PEX19: variants seen among roughly 807,000 people sequenced by gnomAD.
PEX19 encodes peroxisomal biogenesis factor 19, also known as 33 kDa housekeeping protein.
In PEX19, 29 loss-of-function variants were observed where a neutral mutation model predicts 36.3. That is an observed-to-expected ratio of 0.80 (90% CI 0.60 to 1.09). The LOEUF (loss-of-function observed/expected upper bound fraction) is 1.09. PEX19 is among the 50% of genes least tolerant of loss of function. PEX19 has a pLI of 0.00. For missense variants in PEX19, 396 were observed against 368.1 expected (o/e 1.08, Z -0.62); for synonymous variants, 141 against 135.2 (o/e 1.04, Z -0.30).
intron 4 of PEX19, 68 bp from the exon 5 acceptor site, chr1:160,282,268 G>A (rs576265326): frequency 1.3e-6 from 2 of 1,561,582 alleles, no homozygotes; most frequent in East Asian, 2.2e-5. Context: ...TCTCTCAGGT[G>A]ACAAAGATAA....
rs1481310997 is a variant in PEX19 at position 160,278,111 on chromosome 1, G to A, written c.*1440C>T. ...TCTGAGTGAACCAGGACAGCCAGCTGAGCTGACCAGAGTACCTACCAACAT... is the reference window on the plus strand; with the variant it reads ...TCTGAGTGAACCAGGACAGCCAGCTAAGCTGACCAGAGTACCTACCAACAT... On this transcript the variant is annotated 3_prime_UTR_variant, in exon 8 of 8. Transcript: ENST00000368072. 1 of 702,530 alleles carries A rather than the reference G, an allele frequency of 1.4e-6. No individual in the cohort carries two copies. The highest frequency in any genetic ancestry group is 2.0e-5 in the Admixed American group (1 of 50,006). The allele number at this position is 702,530 out of a possible 1,614,324, so 43.5% of individuals were successfully genotyped here.
rs755030329 is a variant in PEX19, at chr1:160,279,266, A to G, written c.*285T>C. ...TATTTTGAGAAAGGAAAGAAAGTGC[A>G]TGCCCCAAAAGGGATGCCTTCCTTC... On this transcript the variant is annotated 3_prime_UTR_variant, in exon 8 of 8. Coordinates refer to ENST00000368072, the MANE Select transcript of PEX19 (RefSeq NM_002857.4). 2.2e-5 allele frequency: 13 copies of G among 604,284 alleles called. 1 individual carries two copies. Among genetic ancestry groups the G allele is most frequent in the South Asian group, 1.8e-4 (12 of 65,802 alleles). The allele number at this position is 604,284 out of a possible 1,614,324, so 37.4% of individuals were successfully genotyped here. A position where few individuals can be genotyped will look rare whatever the true frequency, so the allele number is the denominator to read the frequency against.
At position 160,282,137 on chromosome 1, in the gene PEX19, C is replaced by T. The variant is rs1310410647; in HGVS notation, c.496G>A (p.Asp166Asn). Residue 166 changes from aspartate (D) to asparagine (N), a missense_variant, in exon 5 of 8, where the codon GAT becomes AAT. Transcript: ENST00000368072. ...ATGGGGAGGATGTTCCCTTCCCCAT[C>T]CCCTTCGTCCATGCCTAGCCCCTCC... ...AMEGLGMDEGDGEGNILPIMQ... is the reference protein window; with the variant it reads ...AMEGLGMDEGNGEGNILPIMQ... 2 of 1,614,076 alleles carry T rather than the reference C, an allele frequency of 1.2e-6. No homozygotes were observed. The highest frequency in any genetic ancestry group is 1.7e-6 in the Non-Finnish European group (2 of 1,179,950).
chr1:160,283,851 G>A (rs1182759851), intron 1 of PEX19, among the ~76,000 whole-genome samples: 1 of 152,182 alleles, frequency 6.6e-6, no homozygotes, highest in Non-Finnish European at 1.5e-5. Context: ...CAAAGGCAAA[G>A]AAATCCCTTA....
At position 160,279,527 on chromosome 1, in the gene PEX19, T is replaced by C. The variant is rs374902147; in HGVS notation, c.*24A>G. ...TCCAGATGTTCCCCATAGCTGGGAC[T>C]CAGAGAGGAAAACGTGTTGTGTTTC... On this transcript the variant is annotated 3_prime_UTR_variant, in exon 8 of 8. Coordinates refer to ENST00000368072, the MANE Select transcript of PEX19 (RefSeq NM_002857.4). 1 of 1,595,164 alleles carries C rather than the reference T, an allele frequency of 6.3e-7. No individual in the cohort carries two copies. The highest frequency in any genetic ancestry group is 1.3e-5 in the African/African-American group (1 of 74,568).
chr1:160,284,060 G>A (rs999372964), intron 1 of PEX19: 2 of 471,796 alleles, frequency 4.2e-6, no homozygotes, highest in Admixed American at 2.4e-5. Context: ...ATAACTTGGT[G>A]AGAAAGCACA....
At position 160,282,825 on chromosome 1, in the gene PEX19, C is replaced by T. The variant is rs1657832555; in HGVS notation, c.346+119G>A. ...CCCATCCTTTCTCTCATTGCCTTTA[C>T]CCGTTCCTTGGCTGTGACATCATGA... On this transcript the variant is annotated intron_variant, in intron 3 of 7. Coordinates refer to ENST00000368072, the MANE Select transcript of PEX19 (RefSeq NM_002857.4). 8 of 1,084,712 alleles carry T rather than the reference C, an allele frequency of 7.4e-6. No individual in the cohort carries two copies. The South Asian group carries it at 1.0e-4, about 14-fold the overall frequency. 67.2% of individuals were successfully genotyped at this position (1,084,712 alleles called of 1,614,324 possible). A position where few individuals can be genotyped will look rare whatever the true frequency, so the allele number is the denominator to read the frequency against.
Position 160,277,400 on chromosome 1 carries a change from A to G in PEX19, c.*2151T>C, listed in dbSNP as rs1226169402. 1.1e-5 allele frequency: 5 copies of G among 456,000 alleles called. No individual in the cohort carries two copies. Among genetic ancestry groups the G allele is most frequent in the African/African-American group, 4.0e-5 (2 of 50,088 alleles). The allele number at this position is 456,000 out of a possible 1,614,324, so 28.2% of individuals were successfully genotyped here. A position where few individuals can be genotyped will look rare whatever the true frequency, so the allele number is the denominator to read the frequency against. ...GTGAACTCCATACCTGTCATGGGCA[A>G]TAGGAATGCATATTGATAAGTGAAG... On this transcript the variant is annotated 3_prime_UTR_variant, in exon 8 of 8. Coordinates refer to ENST00000368072, the MANE Select transcript of PEX19 (RefSeq NM_002857.4).
Position 160,278,871 on chromosome 1 carries a change from C to T in PEX19, c.*680G>A. On this transcript the variant is annotated 3_prime_UTR_variant, in exon 8 of 8. Coordinates refer to ENST00000368072, the MANE Select transcript of PEX19 (RefSeq NM_002857.4). ...GGTCAGGGGCTGGGTTCACCCATAT[C>T]ACACAGCATTGTAGGAAGAAGCAGG... is the stretch of plus-strand genomic sequence containing the variant. 1 of 454,036 alleles carries T rather than the reference C, an allele frequency of 2.2e-6. No individual in the cohort carries two copies. The highest frequency in any genetic ancestry group is 1.6e-5 in the South Asian group (1 of 64,464). 28.1% of individuals were successfully genotyped at this position (454,036 alleles called of 1,614,324 possible). A position where few individuals can be genotyped will look rare whatever the true frequency, so the allele number is the denominator to read the frequency against.
Position 160,285,082 on chromosome 1 carries a change from C to A in PEX19, c.43G>T (p.Asp15Tyr). Residue 15 changes from aspartate to tyrosine, a missense_variant, in exon 1 of 8, where the codon GAC becomes TAC. By Grantham distance (160) the Asp-to-Tyr change is radical (BLOSUM62 -3). Transcript: ENST00000368072. ...TCCAGAAGCTCCTCCAATTCCCTGT[C>A]CGCTTCGGCCCCGACACTACAGCCT... ...EEGCSVGAEA[D>Y]RELEELLESA... 2.5e-6 allele frequency: 4 copies of A among 1,614,040 alleles called. No individual in the cohort carries two copies. The highest frequency in any genetic ancestry group is 3.4e-6 in the Non-Finnish European group (4 of 1,179,874).
Position 160,277,965 on chromosome 1 carries a change from C to G in PEX19, c.*1586G>C. On this transcript the variant is annotated 3_prime_UTR_variant, in exon 8 of 8. Transcript: ENST00000368072. ...ACCTTGAGAACATTTCCTTCCTCAC[C>G]AATACCATAAAACATGTAAGGTCTT... 1.4e-6 allele frequency: 1 copy of G among 696,386 alleles called. No homozygotes were observed. Among genetic ancestry groups the G allele is most frequent in the Non-Finnish European group, 2.6e-6 (1 of 382,148 alleles). The allele number at this position is 696,386 out of a possible 1,614,324, so 43.1% of individuals were successfully genotyped here. A position where few individuals can be genotyped will look rare whatever the true frequency, so the allele number is the denominator to read the frequency against.
Position 160,278,828 on chromosome 1 carries a change from G to C in PEX19, c.*723C>G, listed in dbSNP as rs916864594. 1 of 453,938 alleles carries C rather than the reference G, an allele frequency of 2.2e-6. No homozygotes were observed. Among genetic ancestry groups the C allele is most frequent in the Admixed American group, 2.4e-5 (1 of 42,540 alleles). 28.1% of individuals were successfully genotyped at this position (453,938 alleles called of 1,614,324 possible). A position where few individuals can be genotyped will look rare whatever the true frequency, so the allele number is the denominator to read the frequency against. ...AAAGAGAGGAGGTAAAAGGGAGGAT[G>C]GGCAGGGGATAGAGGAAGGTCAGGG... On this transcript the variant is annotated 3_prime_UTR_variant, in exon 8 of 8. Transcript: ENST00000368072.
At chr1:160,282,261 C>T in intron 4 of PEX19, 61 bp from the exon 5 acceptor site, 1 of 1,570,350 alleles carries the variant, frequency 6.4e-7, no homozygotes, top group Non-Finnish European at 8.8e-7. Flanking sequence ...TCACCACTCT[C>T]TCAGGTGACA....
intron 2 of PEX19, 111 bp downstream of exon 2, chr1:160,283,419 A>G: frequency 1.3e-6 from 1 of 762,602 alleles, no homozygotes; most frequent in Non-Finnish European, 2.2e-6. Flanking sequence ...CACCAATGTG[A>G]GGCCAAGGTA....
chr1:160,280,289 T>C (rs897975891), intron 5 of PEX19, 43 bp from the exon 6 acceptor site: 9 of 1,497,090 alleles, frequency 6.0e-6, no homozygotes, highest in African/African-American at 1.4e-5. Flanking sequence ...AAGTGAACAA[T>C]GGATATGGAT....
Position 160,280,326 on chromosome 1 carries a change from T to C in PEX19, c.595-80A>G. On this transcript the variant is annotated intron_variant, in intron 5 of 7. Transcript: ENST00000368072. The stretch of plus-strand genomic sequence containing the variant: ...GGTAATCAGAACAATGTGATTAAAA[T>C]GTGAAAGGGAAAGGGACGTAGAAAA... The C allele has an allele frequency of 3.0e-6, 4 of 1,352,222 alleles. No homozygotes were observed. The South Asian group carries it at 3.5e-5, about 12-fold the overall frequency. 83.8% of individuals were successfully genotyped at this position (1,352,222 alleles called of 1,614,324 possible).
In PEX19 at chr1:160,278,849, C is replaced by T. The variant is rs1657642868; in HGVS notation, c.*702G>A. The T allele has an allele frequency of 2.2e-6, 1 of 453,888 alleles. No homozygotes were observed. The highest frequency in any genetic ancestry group is 4.4e-6 in the Non-Finnish European group (1 of 226,776). The allele number at this position is 453,888 out of a possible 1,614,324, so 28.1% of individuals were successfully genotyped here. ...GGATGGGCAGGGGATAGAGGAAGGT[C>T]AGGGGCTGGGTTCACCCATATCACA... On this transcript the variant is annotated 3_prime_UTR_variant, in exon 8 of 8. Transcript: ENST00000368072.
At chr1:160,283,178 G>A (rs1460757476) in intron 2 of PEX19, 69 bp from the exon 3 acceptor site, 2 of 1,546,486 alleles carry the variant, frequency 1.3e-6, no homozygotes, top group African/African-American at 2.7e-5. Context: ...TCTGATAGAA[G>A]CCACAGGCAG....
intron 5 of PEX19, among the ~76,000 whole-genome samples, chr1:160,280,501 T>A (rs1426150717): frequency 6.6e-6 from 1 of 151,916 alleles, no homozygotes; most frequent in Non-Finnish European, 1.5e-5. Context: ...GGGCCACATA[T>A]GGTCTCTATT....
Sources: allele counts gnomAD v4.1 joint callset (sites outside exome capture counted in the v4.1 genomes callset), GRCh38; gene constraint gnomAD v4.1.1; transcripts MANE v1.5; gene names NCBI Gene and HGNC (gene_info 2026-07-23, HGNC 2026-07-21).